The following HEMK2 variants were observed in gnomAD, a reference collection of about 807,000 sequenced individuals.
HEMK2 encodes the protein HemK methyltransferase 2, ETF1 glutamine and histone H4 lysine.
chr21:28,707,533 G>A, the HEMK2 span, among the ~76,000 whole-genome samples: 2 of 152,178 alleles, frequency 1.3e-5, no homozygotes, highest in Middle Eastern at 3.4e-3. Context: ...TGTTATTACA[G>A]GCATGAGCCA....
At chr21:28,876,643 T>G in the HEMK2 span, 1 of 506,466 alleles carries the variant, frequency 2.0e-6, no homozygotes, top group South Asian at 3.4e-5. Flanking sequence ...AAAGTGAACT[T>G]GGTCTTCAGC....
chr21:28,709,548 A>T, the HEMK2 span, among the ~76,000 whole-genome samples: 1 of 152,172 alleles, frequency 6.6e-6, no homozygotes, highest in Non-Finnish European at 1.5e-5. Flanking sequence ...AAAATTTCTT[A>T]TATCCTTATT....
chr21:28,640,749 T>C, the HEMK2 span, among the ~76,000 whole-genome samples: 2 of 152,326 alleles, frequency 1.3e-5, no homozygotes, highest in East Asian at 1.9e-4. Context: ...TTCTTTCTCA[T>C]CTGCCCAGCT....
At chr21:28,617,648 G>T in the HEMK2 span, among the ~76,000 whole-genome samples, 1 of 152,072 alleles carries the variant, frequency 6.6e-6, no homozygotes, top group Non-Finnish European at 1.5e-5. Flanking sequence ...AGCAGCTCAT[G>T]ATATGGCACT....
chr21:28,717,837 T>G, the HEMK2 span, among the ~76,000 whole-genome samples: 382 of 152,248 alleles, frequency 2.5e-3, 2 homozygotes, highest in African/African-American at 8.7e-3. Flanking sequence ...TTTGTTAGTC[T>G]AGTTAGCCGT....
At chr21:28,748,964 A>T in the HEMK2 span, among the ~76,000 whole-genome samples, 1 of 144,540 alleles carries the variant, frequency 6.9e-6, no homozygotes, top group African/African-American at 2.7e-5. Context: ...CCCAATAAAC[A>T]TCACATACTT....
the HEMK2 span, among the ~76,000 whole-genome samples, chr21:28,841,005 T>A: frequency 1.8e-5 from 2 of 114,040 alleles, no homozygotes; most frequent in Non-Finnish European, 3.4e-5. Context: ...ATATATATAT[T>A]ATATATATAA....
chr21:28,806,569 G>A, the HEMK2 span, among the ~76,000 whole-genome samples: 2 of 152,184 alleles, frequency 1.3e-5, no homozygotes, highest in Non-Finnish European at 2.9e-5. Context: ...TGGTGGACTT[G>A]TAAAAAGGAG....
the HEMK2 span, among the ~76,000 whole-genome samples, chr21:28,717,213 G>A: frequency 4.4e-3 from 669 of 152,164 alleles, 4 homozygotes; most frequent in African/African-American, 0.015. Context: ...TTTTATGTCT[G>A]GTAGAATTCA....
the HEMK2 span, among the ~76,000 whole-genome samples, chr21:28,786,717 CTG>C: frequency 6.6e-6 from 1 of 151,594 alleles, no homozygotes; most frequent in African/African-American, 2.4e-5. Context: ...GAGATGTTCT[CTG>C]TTGCCAGATA....
chr21:28,814,016 T>C, the HEMK2 span, among the ~76,000 whole-genome samples: 1 of 152,110 alleles, frequency 6.6e-6, no homozygotes, highest in Non-Finnish European at 1.5e-5. Context: ...GGTGAGCGGA[T>C]CACGAGGTCA....
chr21:28,658,718 G>A, the HEMK2 span, among the ~76,000 whole-genome samples: 1 of 151,982 alleles, frequency 6.6e-6, no homozygotes, highest in Non-Finnish European at 1.5e-5. Flanking sequence ...GTATTATATC[G>A]TTGACTTGTC....
chr21:28,783,851 C>T, the HEMK2 span, among the ~76,000 whole-genome samples: 1 of 152,188 alleles, frequency 6.6e-6, no homozygotes, highest in Non-Finnish European at 1.5e-5. Flanking sequence ...GCACTCGGAG[C>T]GGCCGGCCGG....
chr21:28,748,176 G>T, the HEMK2 span, among the ~76,000 whole-genome samples: 4 of 152,284 alleles, frequency 2.6e-5, no homozygotes, highest in South Asian at 6.2e-4. Flanking sequence ...CTCACTACCT[G>T]GGTGACAGGA....
At chr21:28,788,010 T>C in the HEMK2 span, among the ~76,000 whole-genome samples, 1 of 151,926 alleles carries the variant, frequency 6.6e-6, no homozygotes, top group Non-Finnish European at 1.5e-5. Flanking sequence ...TGTATATATA[T>C]ATGTATACTA....
At chr21:28,858,360 CACCAGTTATA>C in the HEMK2 span, among the ~76,000 whole-genome samples, 310 of 152,292 alleles carry the variant, frequency 2.0e-3, 2 homozygotes, top group African/African-American at 6.7e-3. Flanking sequence ...TCATTCTCTG[CACCAGTTATA>C]ACCTTGGGAA....
the HEMK2 span, among the ~76,000 whole-genome samples, chr21:28,745,848 T>C: frequency 2.0e-5 from 3 of 152,166 alleles, no homozygotes; most frequent in African/African-American, 7.2e-5. Context: ...TACAAGAACA[T>C]GTGAGCACTT....
the HEMK2 span, among the ~76,000 whole-genome samples, chr21:28,801,157 A>G: frequency 6.6e-6 from 1 of 152,354 alleles, no homozygotes; most frequent in African/African-American, 2.4e-5. Flanking sequence ...TCCTCTAAAC[A>G]TTTATTAACC....
At chr21:28,728,745 T>A in the HEMK2 span, among the ~76,000 whole-genome samples, 3 of 152,230 alleles carry the variant, frequency 2.0e-5, no homozygotes, top group Non-Finnish European at 2.9e-5. Context: ...ATCTGTTGTA[T>A]TTTATAAAAT....
Sources: gnomAD v4.1 joint callset for allele counts (sites outside exome capture counted in the v4.1 genomes callset) on GRCh38, gnomAD v4.1.1 for gene constraint, MANE v1.5 for transcripts, NCBI Gene and HGNC (gene_info 2026-07-23, HGNC 2026-07-21) for gene names.